NARS2: variants seen among roughly 807,000 people sequenced by gnomAD.
NARS2 encodes asparaginyl-tRNA synthetase.
NARS2 carries 60 observed loss-of-function variants against 62.9 expected under a neutral mutation model. The ratio of observed to expected loss-of-function variants is 0.95; its 90% CI spans 0.77 to 1.18. NARS2 has a LOEUF of 1.18. Among genes scored for constraint, NARS2 ranks in the 50% most tolerant of loss-of-function variants. NARS2 has a pLI of 0.00. For synonymous variants in NARS2, 196 were observed against 200.0 expected (o/e 0.98, Z 0.17); for missense variants, 619 against 576.4 (o/e 1.07, Z -0.76).
At chr11:78,535,533 T>C (rs1175603672) in intron 5 of NARS2, among the ~76,000 whole-genome samples, 4 of 152,230 alleles carry the variant, frequency 2.6e-5, no homozygotes, top group African/African-American at 9.6e-5. Flanking sequence ...TATTGTGTTT[T>C]GATATTGCAA....
rs141507678 is a variant in NARS2, at chr11:78,493,094, G to T, written c.791C>A (p.Ser264Tyr). The change falls in exon 7 of 14, where the codon TCT (serine) becomes TAT (tyrosine). Residue 264 changes from serine to tyrosine, a missense_variant. Coordinates refer to ENST00000281038, the MANE Select transcript of NARS2 (RefSeq NM_024678.6). ...AAGATCTTGAAGGCTGTCAACAAAA[G>T]AAATCTCTGCTTCTATCATATAAAA... ...AEFYMIEAEI[S>Y]FVDSLQDLMQ... The T allele has an allele frequency of 6.2e-7, 1 of 1,613,494 alleles. No homozygotes were observed. The highest frequency in any genetic ancestry group is 1.1e-5 in the South Asian group (1 of 91,014).
chr11:78,539,248 T>G (rs1855516741), intron 5 of NARS2, among the ~76,000 whole-genome samples: 1 of 151,848 alleles, frequency 6.6e-6, no homozygotes, highest in South Asian at 2.1e-4. Context: ...GAAGAGTAGC[T>G]TGAATTAAAC....
At chr11:78,477,807 A>G (rs770228431) in intron 9 of NARS2, among the ~76,000 whole-genome samples, 3 of 152,180 alleles carry the variant, frequency 2.0e-5, no homozygotes, top group Non-Finnish European at 4.4e-5. Context: ...TTTGGACTTG[A>G]ATGGCAACTC....
At chr11:78,513,116 G>A (rs1407866257) in intron 6 of NARS2, among the ~76,000 whole-genome samples, 1 of 152,152 alleles carries the variant, frequency 6.6e-6, no homozygotes, top group East Asian at 1.9e-4. Context: ...CAGGCATGGT[G>A]GCGGGTGCCT....
intron 5 of NARS2, among the ~76,000 whole-genome samples, chr11:78,554,938 C>G (rs1345894316): frequency 6.6e-6 from 1 of 152,084 alleles, no homozygotes; most frequent in Non-Finnish European, 1.5e-5. Context: ...CAGGTATGTT[C>G]CTTCAATATC....
chr11:78,505,135 T>A (rs1335462928), intron 6 of NARS2, among the ~76,000 whole-genome samples: 1 of 151,378 alleles, frequency 6.6e-6, no homozygotes, highest in Admixed American at 6.6e-5. Flanking sequence ...AAATGTAAAA[T>A]GAAGCCAGGA....
intron 9 of NARS2, among the ~76,000 whole-genome samples, chr11:78,476,254 T>C (rs530849398): frequency 3.9e-5 from 6 of 152,344 alleles, no homozygotes; most frequent in South Asian, 2.1e-4. Context: ...CGTGTACTGG[T>C]TGCTGTGAGC....
chr11:78,450,131 C>G (rs1173131523), intron 11 of NARS2, among the ~76,000 whole-genome samples: 2 of 152,180 alleles, frequency 1.3e-5, no homozygotes, highest in African/African-American at 4.8e-5. Context: ...GAGGGAGAAG[C>G]ACAAACTATA....
chr11:78,545,320 A>G lies in NARS2; in HGVS notation c.594+14219T>C, dbSNP rs566133424. On this transcript the variant is annotated intron_variant, in intron 5 of 13. Coordinates refer to ENST00000281038, the MANE Select transcript of NARS2 (RefSeq NM_024678.6). ...TCACTCACATATATAATTTGCACCT[A>G]CTCCCAACCTCTATGCCTAACCTCA... 2.0e-5 allele frequency among the ~76,000 whole-genome samples: 3 copies of G among 151,854 alleles called. No individual in the cohort carries two copies. The East Asian group carries it at 5.8e-4, about 29-fold the overall frequency.
chr11:78,456,694 T>C (rs1255215776), intron 11 of NARS2, among the ~76,000 whole-genome samples: 2 of 152,228 alleles, frequency 1.3e-5, no homozygotes, highest in Non-Finnish European at 2.9e-5. Flanking sequence ...TACCTGGTGA[T>C]TGTGGCATCT....
intron 5 of NARS2, among the ~76,000 whole-genome samples, chr11:78,537,211 G>C (rs1855389673): frequency 1.3e-5 from 2 of 152,228 alleles, no homozygotes; most frequent in African/African-American, 4.8e-5. Context: ...GAGATGCAGA[G>C]AGAGTGTGTG....
intron 5 of NARS2, among the ~76,000 whole-genome samples, chr11:78,537,102 T>C (rs1390431959): frequency 6.6e-6 from 1 of 152,208 alleles, no homozygotes; most frequent in Admixed American, 6.5e-5. Flanking sequence ...TTTGCGTAAG[T>C]ACACTCTATG....
At position 78,566,225 on chromosome 11, in the gene NARS2, T is replaced by C. The variant is rs1856738636; in HGVS notation, c.420A>G (p.Arg140=). 1 of 1,612,058 alleles carries C rather than the reference T, an allele frequency of 6.2e-7. No homozygotes were observed. Among genetic ancestry groups the C allele is most frequent in the Admixed American group, 1.7e-5 (1 of 59,870 alleles). The part of the protein sequence containing the change: ...YKERHPLEYL[R]QYPHFRCRTN... ...TCCTACACCTAAAGTGAGGATATTG[T>C]CGCAGATACTCCAGAGGATGCCTCT... Residue 140 remains arginine, a synonymous_variant, in exon 4 of 14, where the codon CGA becomes CGG. Coordinates refer to ENST00000281038, the MANE Select transcript of NARS2 (RefSeq NM_024678.6).
chr11:78,478,540 C>T (rs1160532431), intron 8 of NARS2, 45 bp downstream of exon 8: 1 of 1,339,320 alleles, frequency 7.5e-7, no homozygotes, highest in East Asian at 2.3e-5. Flanking sequence ...ATAATTAACA[C>T]ATTAAACAGT....
chr11:78,507,457 G>A (rs1453693671), intron 6 of NARS2, among the ~76,000 whole-genome samples: 1 of 151,508 alleles, frequency 6.6e-6, no homozygotes, highest in Non-Finnish European at 1.5e-5. Context: ...GGGGAAGAGA[G>A]AGAATTTGAT....
chr11:78,442,428 C>A (rs1387422254), intron 12 of NARS2, among the ~76,000 whole-genome samples: 1 of 152,144 alleles, frequency 6.6e-6, no homozygotes, highest in African/African-American at 2.4e-5. Flanking sequence ...GATAACAAAA[C>A]TAAGTTACCC....
chr11:78,538,663 G>T (rs1590831586), intron 5 of NARS2, among the ~76,000 whole-genome samples: 1 of 152,076 alleles, frequency 6.6e-6, no homozygotes, highest in Non-Finnish European at 1.5e-5. Context: ...TGGAAGGCAG[G>T]TGACTGTAGC....
chr11:78,499,857 T>C (rs1247907469), intron 6 of NARS2, among the ~76,000 whole-genome samples: 1 of 152,236 alleles, frequency 6.6e-6, no homozygotes, highest in African/African-American at 2.4e-5. Context: ...TTGACTGTTC[T>C]TTCTAACTGA....
At chr11:78,480,738 A>C (rs968832430) in intron 7 of NARS2, among the ~76,000 whole-genome samples, 1 of 152,122 alleles carries the variant, frequency 6.6e-6, no homozygotes, top group Non-Finnish European at 1.5e-5. Flanking sequence ...ATAATAGTAA[A>C]GATAAATCTG....
Sources: allele counts gnomAD v4.1 joint callset (sites outside exome capture counted in the v4.1 genomes callset), GRCh38; gene constraint gnomAD v4.1.1; transcripts MANE v1.5; gene names NCBI Gene and HGNC (gene_info 2026-07-23, HGNC 2026-07-21).